The following FHIT variants were observed in gnomAD, a reference collection of about 807,000 sequenced individuals.
The protein encoded by FHIT is fragile histidine triad diadenosine triphosphatase.
In FHIT, 19 loss-of-function variants were observed where a neutral mutation model predicts 17.9. The ratio of observed to expected loss-of-function variants is 1.06; its 90% CI spans 0.74 to 1.56. The LOEUF is 1.56. FHIT is among the 40% of genes most tolerant of loss of function. The probability of loss-of-function intolerance (pLI) is 0.00; values close to 1 mark genes in which losing one functional copy is unlikely to be tolerated. For synonymous variants in FHIT, 81 were observed against 69.7 expected, an observed-to-expected ratio of 1.16 and a Z score of -0.81; for missense variants, 248 against 189.2, an observed-to-expected ratio of 1.31 and a Z score of -1.82.
intron 5 of FHIT, among the ~76,000 whole-genome samples, chr3:60,476,720 A>G (rs911958171): frequency 7.9e-5 from 12 of 152,172 alleles, no homozygotes; most frequent in African/African-American, 2.9e-4. Flanking sequence ...TTATTTGGGC[A>G]CTGGGTATAA....
chr3:61,205,816 A>G (rs2039209631), intron 1 of FHIT, among the ~76,000 whole-genome samples: 1 of 151,552 alleles, frequency 6.6e-6, no homozygotes, highest in Non-Finnish European at 1.5e-5. Flanking sequence ...GAAGTGCTTT[A>G]GTTTAATTAG....
At chr3:60,058,135 T>TG (rs1702157808) in intron 5 of FHIT, among the ~76,000 whole-genome samples, 1 of 116,152 alleles carries the variant, frequency 8.6e-6, no homozygotes, top group Non-Finnish European at 1.8e-5. Flanking sequence ...GTTGTGTTTT[T>TG]TTTTTTTTTT....
At position 61,042,839 on chromosome 3, in the gene FHIT, CA is replaced by C. The variant is rs111957952; in HGVS notation, c.-163-741del. On this transcript the variant is annotated intron_variant, in intron 2 of 9. Coordinates refer to ENST00000492590, the MANE Select transcript of FHIT (RefSeq NM_002012.4). ...TGGGTGACAAAGTGAGCATCTGACT[CA>C]AAAAAAAAAAAAATTAAACACTTTT... Among the ~76,000 whole-genome samples, 1,101 of 123,522 alleles carry C rather than the reference CA, an allele frequency of 8.9e-3. 10 individuals carry two copies. The highest frequency in any genetic ancestry group is 0.024 in the South Asian group (94 of 3,906). 81.0% of individuals were successfully genotyped at this position (123,522 alleles called of 152,430 possible).
intron 2 of FHIT, among the ~76,000 whole-genome samples, chr3:61,135,483 G>C (rs2036888501): frequency 6.6e-6 from 1 of 152,136 alleles, no homozygotes; most frequent in African/African-American, 2.4e-5. Flanking sequence ...GGAAGGAACT[G>C]AGGCTTAGAG....
intron 4 of FHIT, among the ~76,000 whole-genome samples, chr3:60,818,094 T>A (rs1239999626): frequency 1.3e-5 from 2 of 152,124 alleles, no homozygotes; most frequent in African/African-American, 4.8e-5. Context: ...GTTTCAGGAT[T>A]TCTATTTGGT....
chr3:60,211,562 C>T (rs985391261), intron 5 of FHIT, among the ~76,000 whole-genome samples: 1 of 152,086 alleles, frequency 6.6e-6, no homozygotes, highest in African/African-American at 2.4e-5. Context: ...CTATTTCTAG[C>T]GATTTTATTT....
intron 4 of FHIT, among the ~76,000 whole-genome samples, chr3:60,541,703 A>C (rs1162592587): frequency 1.3e-5 from 2 of 152,210 alleles, no homozygotes; most frequent in African/African-American, 4.8e-5. Flanking sequence ...AACAGCTACG[A>C]GTTTTCCTAA....
intron 4 of FHIT, among the ~76,000 whole-genome samples, chr3:60,583,419 G>A (rs1285991591): frequency 6.6e-6 from 1 of 151,864 alleles, no homozygotes. Context: ...CAGGCCCCAC[G>A]GTCTTGGCTG....
intron 8 of FHIT, among the ~76,000 whole-genome samples, chr3:59,822,770 T>TAGTC (rs1336444518): frequency 6.6e-6 from 1 of 152,224 alleles, no homozygotes; most frequent in Admixed American, 6.5e-5. Context: ...GTCTGCTGAC[T>TAGTC]GTTCCTTTTG....
chr3:60,319,700 A>G (rs967645048), intron 5 of FHIT, among the ~76,000 whole-genome samples: 1 of 152,152 alleles, frequency 6.6e-6, no homozygotes, highest in Admixed American at 6.5e-5. Flanking sequence ...ATGAAACCGC[A>G]CAAATAAAGT....
At chr3:60,323,425 G>T (rs759191874) in intron 5 of FHIT, among the ~76,000 whole-genome samples, 1 of 152,110 alleles carries the variant, frequency 6.6e-6, no homozygotes, top group African/African-American at 2.4e-5. Context: ...CACATAAGCC[G>T]GTTAGAGAGA....
chr3:59,847,705 T>A (rs1352251449), intron 8 of FHIT, among the ~76,000 whole-genome samples: 2 of 152,184 alleles, frequency 1.3e-5, no homozygotes, highest in African/African-American at 4.8e-5. Context: ...ATATGATAAT[T>A]CTTGAAATCA....
At chr3:60,488,403 A>G (rs747110447) in intron 5 of FHIT, among the ~76,000 whole-genome samples, 3 of 152,134 alleles carry the variant, frequency 2.0e-5, no homozygotes, top group Non-Finnish European at 4.4e-5. Flanking sequence ...TTTCTCTTGT[A>G]TCTGATTCCA....
chr3:60,552,540 C>CT (rs940606016), intron 4 of FHIT, among the ~76,000 whole-genome samples: 11 of 151,882 alleles, frequency 7.2e-5, no homozygotes, highest in African/African-American at 1.2e-4. Context: ...AGATATCAGG[C>CT]TTTTTTTTGG....
intron 5 of FHIT, among the ~76,000 whole-genome samples, chr3:60,280,289 C>A (rs1446296129): frequency 6.6e-6 from 1 of 152,090 alleles, no homozygotes. Context: ...TGGAGAGAAA[C>A]TGGATGCTTT....
At chr3:60,507,486 A>G (rs1326196349) in intron 5 of FHIT, among the ~76,000 whole-genome samples, 1 of 152,114 alleles carries the variant, frequency 6.6e-6, no homozygotes. Flanking sequence ...GTTTTGTTTC[A>G]TTTTGTTTTT....
In FHIT at chr3:61,008,859, T is replaced by C. The variant is rs925293632; in HGVS notation, c.-111+33188A>G. 2.0e-5 allele frequency among the ~76,000 whole-genome samples: 3 copies of C among 152,178 alleles called. No homozygotes were observed. In the East Asian group the frequency reaches 5.8e-4, roughly 29 times the overall value. On this transcript the variant is annotated intron_variant, in intron 3 of 9. Coordinates refer to ENST00000492590, the MANE Select transcript of FHIT (RefSeq NM_002012.4). ...GAAGGCACCAACATGCTATGGGCAC[T>C]TAGCACATGTTAAAAAATAATGGAA...
At chr3:60,255,866 A>G (rs1245504583) in intron 5 of FHIT, among the ~76,000 whole-genome samples, 1 of 151,376 alleles carries the variant, frequency 6.6e-6, no homozygotes, top group African/African-American at 2.5e-5. Flanking sequence ...AAAAACAAAA[A>G]CAAAAAAAAA....
chr3:61,133,285 C>T (rs2036818875), intron 2 of FHIT, among the ~76,000 whole-genome samples: 1 of 152,146 alleles, frequency 6.6e-6, no homozygotes, highest in Non-Finnish European at 1.5e-5. Context: ...CTTGAGGGTA[C>T]AACCATGTCT....
Sources: allele counts gnomAD v4.1 joint callset (sites outside exome capture counted in the v4.1 genomes callset), GRCh38; gene constraint gnomAD v4.1.1; transcripts MANE v1.5; gene names NCBI Gene and HGNC (gene_info 2026-07-23, HGNC 2026-07-21).